The following DNAH14 variants were observed in gnomAD, a reference collection of about 807,000 sequenced individuals.
The protein encoded by DNAH14 is dynein axonemal heavy chain 14.
Under a neutral mutation model 520.9 loss-of-function variants are expected in DNAH14, and 478 were observed. The ratio of observed to expected loss-of-function variants is 0.92; its 90% CI spans 0.85 to 0.99. DNAH14 has a LOEUF of 0.99. Ranked by LOEUF, DNAH14 falls within the 50% of genes least tolerant of loss-of-function variation. DNAH14 has a pLI of 0.00. For synonymous variants in DNAH14, 1,581 were observed against 1,757.2 expected (o/e 0.90, Z 2.51); for missense variants, 4,831 against 5,234.5 (o/e 0.92, Z 2.38).
chr1:225,021,710 C>T (rs1426836066), intron 10 of DNAH14, among the ~76,000 whole-genome samples: 1 of 151,976 alleles, frequency 6.6e-6, no homozygotes, highest in African/African-American at 2.4e-5. Flanking sequence ...CCATACTGCC[C>T]AAAGCAGTTT....
chr1:225,398,959 A>G (rs1203255234), intron 85 of DNAH14, 95 bp from the exon 86 acceptor site: 1 of 987,482 alleles, frequency 1.0e-6, no homozygotes, highest in South Asian at 1.6e-5. Flanking sequence ...TATCTAATTC[A>G]TAACAAATCC....
intron 21 of DNAH14, among the ~76,000 whole-genome samples, chr1:225,086,116 C>A (rs990712476): frequency 6.6e-6 from 1 of 150,800 alleles, no homozygotes; most frequent in African/African-American, 2.4e-5. Flanking sequence ...TGGTAATACA[C>A]CTAATAATAA....
intron 66 of DNAH14, among the ~76,000 whole-genome samples, chr1:225,334,382 G>A (rs2094867509): frequency 1.3e-5 from 2 of 152,146 alleles, no homozygotes; most frequent in African/African-American, 4.8e-5. Context: ...CTAAGCCTAA[G>A]CCACTTGGAA....
intron 60 of DNAH14, among the ~76,000 whole-genome samples, chr1:225,315,171 C>T (rs188349450): frequency 1.7e-4 from 26 of 151,778 alleles, no homozygotes; most frequent in African/African-American, 6.3e-4. Flanking sequence ...TGCCTTCATG[C>T]TTTATTTCAT....
intron 42 of DNAH14, among the ~76,000 whole-genome samples, chr1:225,231,672 C>G (rs2091125696): frequency 6.6e-6 from 1 of 152,050 alleles, no homozygotes; most frequent in African/African-American, 2.4e-5. Flanking sequence ...GTCACATTTG[C>G]TTTCGAATGA....
chr1:225,062,162 A>G (rs764421585), intron 17 of DNAH14, among the ~76,000 whole-genome samples: 7 of 152,042 alleles, frequency 4.6e-5, no homozygotes, highest in Non-Finnish European at 1.0e-4. Context: ...TTAGTCAGGC[A>G]TGGTGGTGCA....
At chr1:225,322,554 C>G (rs2094577659) in intron 61 of DNAH14, 110 bp from the exon 62 acceptor site, 2 of 1,088,816 alleles carry the variant, frequency 1.8e-6, no homozygotes, top group Non-Finnish European at 2.5e-6. Context: ...AAATAGTTTT[C>G]CTTATCCAAA....
intron 8 of DNAH14, among the ~76,000 whole-genome samples, chr1:224,990,604 C>T (rs1390472017): frequency 5.9e-5 from 9 of 152,132 alleles, no homozygotes; most frequent in Non-Finnish European, 1.0e-4. Context: ...TAATGTTCTT[C>T]GATTCTATCC....
At chr1:225,104,019 C>T (rs59730777) in intron 23 of DNAH14, among the ~76,000 whole-genome samples, 19,626 of 151,958 alleles carry the variant, frequency 0.13, 3,898 homozygotes, top group African/African-American at 0.43. Flanking sequence ...GTGATAGTGG[C>T]GTGGGTTTGT....
intron 36 of DNAH14, among the ~76,000 whole-genome samples, chr1:225,183,022 A>T (rs930938175): frequency 6.6e-6 from 1 of 151,772 alleles, no homozygotes; most frequent in African/African-American, 2.4e-5. Context: ...AGCCCATGTC[A>T]CTCTTTTCCC....
At chr1:225,063,780 T>C (rs2070489072) in intron 17 of DNAH14, among the ~76,000 whole-genome samples, 1 of 151,470 alleles carries the variant, frequency 6.6e-6, no homozygotes, top group Non-Finnish European at 1.5e-5. Flanking sequence ...AACCAATAGA[T>C]CTGAGGAGCG....
intron 17 of DNAH14, among the ~76,000 whole-genome samples, chr1:225,070,007 A>G (rs1558856731): frequency 6.6e-6 from 1 of 151,992 alleles, no homozygotes; most frequent in Admixed American, 6.6e-5. Context: ...GGTATTCATA[A>G]TGTTTTCTGA....
At position 225,080,316 on chromosome 1, in the gene DNAH14, C is replaced by T. The variant is rs2072969877; in HGVS notation, c.2767-63C>T. On this transcript the variant is annotated intron_variant, in intron 18 of 85. Coordinates refer to ENST00000682510, the MANE Select transcript of DNAH14 (RefSeq NM_001367479.1). ...TTATATACTAAAATGCTTTCACTGCCAGTAAAACAGTACGTTCTAGACATA... is the reference window on the plus strand; with the variant it reads ...TTATATACTAAAATGCTTTCACTGCTAGTAAAACAGTACGTTCTAGACATA... 3 of 1,422,002 alleles carry T rather than the reference C, an allele frequency of 2.1e-6. 1 individual carries two copies. Among genetic ancestry groups the T allele is most frequent in the Middle Eastern group, 3.7e-4 (2 of 5,456 alleles). 88.1% of individuals were successfully genotyped at this position (1,422,002 alleles called of 1,614,324 possible).
At chr1:225,293,003 T>C (rs1321018233) in intron 55 of DNAH14, among the ~76,000 whole-genome samples, 1 of 152,114 alleles carries the variant, frequency 6.6e-6, no homozygotes, top group Non-Finnish European at 1.5e-5. Context: ...CATAAAAAAG[T>C]GGGCAAAAGA....
At chr1:225,000,997 A>G (rs935344548) in intron 8 of DNAH14, among the ~76,000 whole-genome samples, 4 of 152,000 alleles carry the variant, frequency 2.6e-5, no homozygotes, top group South Asian at 4.1e-4. Flanking sequence ...TAGGCTTCCC[A>G]CTGACCCTTT....
intron 43 of DNAH14, among the ~76,000 whole-genome samples, chr1:225,251,666 T>C (rs905337725): frequency 2.0e-5 from 3 of 152,114 alleles, no homozygotes; most frequent in Admixed American, 6.6e-5. Context: ...AAAGAATATA[T>C]ATAAATTACG....
chr1:225,309,825 G>A (rs374207184), intron 60 of DNAH14, among the ~76,000 whole-genome samples: 1 of 152,040 alleles, frequency 6.6e-6, no homozygotes, highest in Non-Finnish European at 1.5e-5. Flanking sequence ...CCTAGGAGGC[G>A]GAGATTGCAG....
chr1:225,163,735 G>T (rs1370864685), intron 35 of DNAH14, among the ~76,000 whole-genome samples: 1 of 152,094 alleles, frequency 6.6e-6, no homozygotes, highest in Non-Finnish European at 1.5e-5. Flanking sequence ...ATTTTTAAAT[G>T]TTTTGTTGAA....
chr1:225,160,847 T>A (rs1235727045), intron 35 of DNAH14, among the ~76,000 whole-genome samples: 2 of 152,166 alleles, frequency 1.3e-5, no homozygotes, highest in Non-Finnish European at 2.9e-5. Flanking sequence ...ATATATCTTT[T>A]TCTGTTTCCA....
Sources: allele counts gnomAD v4.1 joint callset (sites outside exome capture counted in the v4.1 genomes callset), GRCh38; gene constraint gnomAD v4.1.1; transcripts MANE v1.5; gene names NCBI Gene and HGNC (gene_info 2026-07-23, HGNC 2026-07-21).